ATP1A4: variants seen among roughly 807,000 people sequenced by gnomAD.
ATP1A4 encodes the protein sodium/potassium-transporting ATPase subunit alpha-4.
Under a neutral mutation model 114.3 loss-of-function variants are expected in ATP1A4, and 90 were observed. That is an observed-to-expected ratio of 0.79 (90% CI 0.66 to 0.94). The LOEUF (loss-of-function observed/expected upper bound fraction) is 0.94, where lower values mean the gene tolerates loss of function less well. Among genes scored for constraint, ATP1A4 ranks in the 40% least tolerant of loss-of-function variants. The pLI, the probability that ATP1A4 is intolerant of heterozygous loss-of-function variation, is 0.00. For missense variants in ATP1A4, 1,222 were observed against 1,313.6 expected (o/e 0.93, Z 1.08); for synonymous variants, 511 against 494.1 (o/e 1.03, Z -0.45).
chr1:160,171,219 T>A, intron 10 of ATP1A4, 32 bp from the exon 11 acceptor site: 1 of 1,588,706 alleles, frequency 6.3e-7, no homozygotes, highest in Non-Finnish European at 8.6e-7. Flanking sequence ...TCTCTCCTCC[T>A]GTCCCATCAG....
intron 20 of ATP1A4, among the ~76,000 whole-genome samples, chr1:160,185,798 A>G (rs948111535): frequency 1.3e-5 from 2 of 151,838 alleles, no homozygotes; most frequent in African/African-American, 4.8e-5. Context: ...AGGCGCCTGT[A>G]GTCCCAGCTA....
In ATP1A4 at chr1:160,171,394, C is replaced by A. The variant is rs1653250489; in HGVS notation, c.1635C>A (p.Phe545Leu). 1 of 1,614,040 alleles carries A rather than the reference C, an allele frequency of 6.2e-7. No individual in the cohort carries two copies. The highest frequency in any genetic ancestry group is 1.1e-5 in the South Asian group (1 of 91,090). The change falls in exon 11 of 22, where the codon TTC becomes TTA. Residue 545 changes from phenylalanine (F) to leucine (L), a missense_variant. Phe to Leu is a conservative substitution (Grantham distance 22). Coordinates refer to ENST00000368081, the MANE Select transcript of ATP1A4 (RefSeq NM_144699.4). ...TGAACGATGAAATGAAGGAAGCCTT[C>A]CAAAATGCCTACTTAGAACTGGGAG... Reference protein sequence around the residue: ...YSMNDEMKEAFQNAYLELGGL... With the variant: ...YSMNDEMKEALQNAYLELGGL...
At chr1:160,160,588 G>T (rs562804298) in intron 6 of ATP1A4, among the ~76,000 whole-genome samples, 1 of 151,962 alleles carries the variant, frequency 6.6e-6, no homozygotes, top group East Asian at 1.9e-4. Context: ...TCCCACATGC[G>T]CACAATACCA....
chr1:160,168,956 T>C (rs1395582844), intron 10 of ATP1A4, among the ~76,000 whole-genome samples: 2 of 152,200 alleles, frequency 1.3e-5, no homozygotes. Context: ...GTCCATGTGA[T>C]TCAAAATAAA....
intron 6 of ATP1A4, among the ~76,000 whole-genome samples, chr1:160,163,809 C>T (rs1328481932): frequency 1.3e-5 from 2 of 152,194 alleles, no homozygotes; most frequent in Non-Finnish European, 2.9e-5. Context: ...TTCCAACTCT[C>T]TAATCACATG....
intron 12 of ATP1A4, among the ~76,000 whole-genome samples, chr1:160,172,459 G>A (rs147112158): frequency 6.9e-4 from 105 of 152,296 alleles, no homozygotes; most frequent in African/African-American, 2.5e-3. Context: ...CAGAGCAAGA[G>A]TGAAAGTTCA....
intron 7 of ATP1A4, among the ~76,000 whole-genome samples, chr1:160,165,926 C>A (rs904608454): frequency 6.6e-6 from 1 of 152,026 alleles, no homozygotes; most frequent in Non-Finnish European, 1.5e-5. Flanking sequence ...GCAGAATATT[C>A]CAGGGGGGAA....
chr1:160,166,607 G>A lies in ATP1A4; in HGVS notation c.1127G>A (p.Gly376Asp). 6.2e-7 allele frequency: 1 copy of A among 1,614,182 alleles called. No homozygotes were observed. Among genetic ancestry groups the A allele is most frequent in the Non-Finnish European group, 8.5e-7 (1 of 1,180,026 alleles). Residue 376 changes from glycine (G) to aspartate (D), a missense_variant, in exon 8 of 22, where the codon GGC (glycine) becomes GAC (aspartate). By Grantham distance (94) the Gly-to-Asp change is moderately conservative (BLOSUM62 -1). Coordinates refer to ENST00000368081, the MANE Select transcript of ATP1A4 (RefSeq NM_144699.4). ...VKNLEAVETL[G>D]STSTICSDKT... ...AACCTGGAGGCGGTGGAGACGCTGG[G>A]CTCCACGTCCACCATCTGCTCAGAC...
At chr1:160,171,879 G>A in intron 12 of ATP1A4, 122 bp downstream of exon 12, 1 of 1,022,206 alleles carries the variant, frequency 9.8e-7, no homozygotes, top group Non-Finnish European at 1.4e-6. Flanking sequence ...CTGTTTCCTT[G>A]GGCTTATGAT....
At chr1:160,153,083 A>G (rs1032723502) in intron 1 of ATP1A4, 82 bp from the exon 2 acceptor site, 7 of 1,152,042 alleles carry the variant, frequency 6.1e-6, no homozygotes, top group East Asian at 2.3e-5. Context: ...TTGGACTAAC[A>G]TTCTCCAGTC....
chr1:160,164,475 G>C, intron 7 of ATP1A4, 51 bp downstream of exon 7: 1 of 1,593,076 alleles, frequency 6.3e-7, no homozygotes, highest in Non-Finnish European at 8.6e-7. Flanking sequence ...CCACCCCAGG[G>C]AAAAGGGATC....
chr1:160,179,121 C>T (rs924161743), intron 18 of ATP1A4, among the ~76,000 whole-genome samples: 2 of 152,202 alleles, frequency 1.3e-5, no homozygotes, highest in Non-Finnish European at 2.9e-5. Flanking sequence ...CCAAACCAAG[C>T]CAATTGCAGG....
intron 15 of ATP1A4, 33 bp from the exon 16 acceptor site, chr1:160,176,059 G>A: frequency 6.2e-7 from 1 of 1,613,326 alleles, no homozygotes; most frequent in Non-Finnish European, 8.5e-7. Flanking sequence ...GTTCTCCCAG[G>A]GCTTCTCACA....
intron 18 of ATP1A4, 100 bp downstream of exon 18, chr1:160,177,764 C>T: frequency 1.5e-6 from 2 of 1,354,444 alleles, no homozygotes; most frequent in Middle Eastern, 1.9e-4. Flanking sequence ...AAGGGAAGCA[C>T]CACACAAACA....
chr1:160,151,918 T>G lies in ATP1A4; in HGVS notation c.-123T>G. On this transcript the variant is annotated 5_prime_UTR_variant, in exon 1 of 22. Coordinates refer to ENST00000368081, the MANE Select transcript of ATP1A4 (RefSeq NM_144699.4). ...CTGCCTCTTTCTTTCTGCTCCCTCA[T>G]TCTCTCCCCACCACTCTCTTCTCGT... is the stretch of plus-strand genomic sequence containing the variant. 3 of 1,143,138 alleles carry G rather than the reference T, an allele frequency of 2.6e-6. No individual in the cohort carries two copies. The highest frequency in any genetic ancestry group is 2.4e-6 in the Non-Finnish European group (2 of 825,554). 70.8% of individuals were successfully genotyped at this position (1,143,138 alleles called of 1,614,324 possible).
intron 18 of ATP1A4, 41 bp downstream of exon 18, chr1:160,177,705 G>A: frequency 6.2e-7 from 1 of 1,610,226 alleles, no homozygotes; most frequent in East Asian, 2.2e-5. Flanking sequence ...ACCAGTAAGA[G>A]TGAGAGTGAC....
chr1:160,171,101 C>G, intron 10 of ATP1A4, 150 bp from the exon 11 acceptor site: 1 of 664,238 alleles, frequency 1.5e-6, no homozygotes, highest in East Asian at 2.6e-5. Flanking sequence ...CTGGGTTCAA[C>G]CTGGGGCGAG....
intron 20 of ATP1A4, 55 bp from the exon 21 acceptor site, chr1:160,186,221 C>A: frequency 1.6e-6 from 2 of 1,240,142 alleles, no homozygotes; most frequent in Non-Finnish European, 1.2e-6. Context: ...CCCTCTGCAC[C>A]TGTCCTCTGG....
At chr1:160,159,307 C>G (rs943462938) in intron 5 of ATP1A4, 102 bp from the exon 6 acceptor site, 7 of 1,347,226 alleles carry the variant, frequency 5.2e-6, no homozygotes, top group Non-Finnish European at 7.2e-6. Flanking sequence ...CTCAGTCTGT[C>G]AGTGATGATG....
Sources: allele counts gnomAD v4.1 joint callset (sites outside exome capture counted in the v4.1 genomes callset), GRCh38; gene constraint gnomAD v4.1.1; transcripts MANE v1.5; gene names NCBI Gene and HGNC (gene_info 2026-07-23, HGNC 2026-07-21).